SUMF1: variants seen among roughly 807,000 people sequenced by gnomAD.
The protein encoded by SUMF1 is formylglycine-generating enzyme.
A neutral mutation model predicts 47.6 loss-of-function variants in SUMF1; 48 were observed. That is an observed-to-expected ratio of 1.01 (90% CI 0.80 to 1.28). The LOEUF is 1.28. Among genes scored for constraint, SUMF1 ranks in the 50% most tolerant of loss-of-function variants. The pLI, the probability that SUMF1 is intolerant of heterozygous loss-of-function variation, is 0.00. For synonymous variants in SUMF1, 230 were observed against 192.1 expected (o/e 1.20, Z -1.63); for missense variants, 571 against 485.4 (o/e 1.18, Z -1.66).
At chr3:4,245,674 C>A (rs1044768744) in intron 8 of SUMF1, among the ~76,000 whole-genome samples, 1 of 152,124 alleles carries the variant, frequency 6.6e-6, no homozygotes, top group Non-Finnish European at 1.5e-5. Flanking sequence ...GGAGGTGTCT[C>A]CCAGTCAGGC....
At chr3:4,156,185 G>T (rs1007743969) in intron 8 of SUMF1, among the ~76,000 whole-genome samples, 2 of 151,404 alleles carry the variant, frequency 1.3e-5, no homozygotes, top group Non-Finnish European at 2.9e-5. Flanking sequence ...AGGAGTCATA[G>T]GAATTTTAAT....
intron 2 of SUMF1, among the ~76,000 whole-genome samples, chr3:4,452,209 A>T (rs1240810769): frequency 6.6e-6 from 1 of 152,176 alleles, no homozygotes; most frequent in Non-Finnish European, 1.5e-5. Flanking sequence ...TGGAAAGCAT[A>T]TAAAATAAGT....
intron 8 of SUMF1, among the ~76,000 whole-genome samples, chr3:4,092,032 G>C (rs1242997244): frequency 1.3e-5 from 2 of 152,030 alleles, no homozygotes; most frequent in African/African-American, 4.8e-5. Flanking sequence ...TAAAGGAGTA[G>C]ACTGGAAATG....
chr3:4,341,784 G>A (rs565390076), intron 8 of SUMF1, among the ~76,000 whole-genome samples: 1 of 152,222 alleles, frequency 6.6e-6, no homozygotes, highest in South Asian at 2.1e-4. Context: ...GGCTTTTGTA[G>A]CTATTAGACT....
chr3:4,071,594 C>G (rs1470436055), intron 8 of SUMF1, among the ~76,000 whole-genome samples: 1 of 152,186 alleles, frequency 6.6e-6, no homozygotes. Flanking sequence ...TCTGAGACGA[C>G]CTGGGATGCT....
chr3:4,174,808 GA>G, intron 8 of SUMF1, among the ~76,000 whole-genome samples: 1 of 152,134 alleles, frequency 6.6e-6, no homozygotes, highest in Non-Finnish European at 1.5e-5. Flanking sequence ...AGACTACCTG[GA>G]AAAAAGGGAC....
chr3:4,126,515 T>C (rs550666641), intron 8 of SUMF1, among the ~76,000 whole-genome samples: 2 of 152,214 alleles, frequency 1.3e-5, no homozygotes, highest in East Asian at 3.9e-4. Context: ...CTCACTACAT[T>C]CATCCTTAGT....
intron 8 of SUMF1, among the ~76,000 whole-genome samples, chr3:4,160,289 G>C (rs546355607): frequency 1.3e-5 from 2 of 151,932 alleles, no homozygotes; most frequent in African/African-American, 4.8e-5. Context: ...ACCCAGGCTG[G>C]GGTGCAGTGG....
chr3:4,281,057 C>G (rs887926893), intron 8 of SUMF1, among the ~76,000 whole-genome samples: 1 of 151,980 alleles, frequency 6.6e-6, no homozygotes, highest in Non-Finnish European at 1.5e-5. Flanking sequence ...CGGGGGGCCA[C>G]AAATCAATCC....
intron 8 of SUMF1, among the ~76,000 whole-genome samples, chr3:4,075,490 G>A (rs1470556258): frequency 6.6e-6 from 1 of 151,968 alleles, no homozygotes; most frequent in Non-Finnish European, 1.5e-5. Context: ...TTCTGGCCAG[G>A]GCAATTAGGC....
intron 8 of SUMF1, among the ~76,000 whole-genome samples, chr3:4,277,027 C>T (rs572521671): frequency 1.1e-4 from 16 of 152,200 alleles, no homozygotes; most frequent in African/African-American, 3.6e-4. Flanking sequence ...CATTTTAGAT[C>T]TGGAAGACTT....
intron 8 of SUMF1, among the ~76,000 whole-genome samples, chr3:4,147,928 T>C (rs1694233728): frequency 6.6e-6 from 1 of 152,146 alleles, no homozygotes; most frequent in South Asian, 2.1e-4. Flanking sequence ...TGACCCTTTT[T>C]TTTCCACCTG....
intron 9 of SUMF1, among the ~76,000 whole-genome samples, chr3:4,043,702 C>T (rs571185135): frequency 1.3e-4 from 20 of 152,276 alleles, no homozygotes; most frequent in East Asian, 5.8e-4. Flanking sequence ...TTTGAACTAT[C>T]GATCTGTCTG....
intron 8 of SUMF1, among the ~76,000 whole-genome samples, chr3:4,289,814 G>C (rs1697705610): frequency 6.7e-6 from 1 of 148,742 alleles, no homozygotes; most frequent in Non-Finnish European, 1.5e-5. Flanking sequence ...CACACAGTTG[G>C]TACTTAATAA....
In SUMF1 at chr3:4,416,884, C is replaced by T. The variant is rs568625709; in HGVS notation, c.840+244G>A. On this transcript the variant is annotated intron_variant, in intron 6 of 8. Coordinates refer to ENST00000272902, the MANE Select transcript of SUMF1 (RefSeq NM_182760.4). ...TAGAATTCCAGGACAGTTTAGCTTT[C>T]TCCTTTATAGTCTTCTCATTTTTCC... Among the ~76,000 whole-genome samples the T allele has an allele frequency of 9.2e-5, 14 of 152,278 alleles. No individual in the cohort carries two copies. In the South Asian group the frequency reaches 2.3e-3, roughly 25 times the overall value.
intron 6 of SUMF1, among the ~76,000 whole-genome samples, chr3:4,413,678 T>C (rs1701617424): frequency 6.6e-6 from 1 of 151,918 alleles, no homozygotes; most frequent in African/African-American, 2.4e-5. Context: ...ACAAGCAGAA[T>C]GGCAAAATGT....
intron 8 of SUMF1, among the ~76,000 whole-genome samples, chr3:4,328,306 G>A (rs955089798): frequency 6.6e-6 from 1 of 152,028 alleles, no homozygotes; most frequent in Non-Finnish European, 1.5e-5. Flanking sequence ...TTATGGAGAG[G>A]AGACTCAGTT....
At chr3:4,407,567 A>G (rs1316059920) in intron 7 of SUMF1, among the ~76,000 whole-genome samples, 2 of 152,192 alleles carry the variant, frequency 1.3e-5, no homozygotes, top group Admixed American at 6.5e-5. Flanking sequence ...AATTGGTATT[A>G]TTGTAGGGTC....
chr3:4,061,104 T>C (rs889837237), intron 9 of SUMF1, among the ~76,000 whole-genome samples: 4 of 152,160 alleles, frequency 2.6e-5, no homozygotes, highest in Non-Finnish European at 2.9e-5. Flanking sequence ...CAGAGTTTAA[T>C]TGAGCAAAGA....
Sources: allele counts gnomAD v4.1 joint callset (sites outside exome capture counted in the v4.1 genomes callset), GRCh38; gene constraint gnomAD v4.1.1; transcripts MANE v1.5; gene names NCBI Gene and HGNC (gene_info 2026-07-23, HGNC 2026-07-21).